The following AGAP3 variants were observed in gnomAD, a reference collection of about 807,000 sequenced individuals.
AGAP3 encodes the protein arf-GAP with GTPase, ANK repeat and PH domain-containing protein 3.
A neutral mutation model predicts 96.9 loss-of-function variants in AGAP3; 24 were observed. The observed-to-expected ratio is 0.25, with a 90% CI of 0.18 to 0.35. The LOEUF is 0.35. Among genes scored for constraint, AGAP3 ranks in the 10% least tolerant of loss-of-function variants. AGAP3 has a pLI of 1.00. For missense variants in AGAP3, 876 were observed against 1,254.2 expected (o/e 0.70, Z 4.55); for synonymous variants, 563 against 536.1 (o/e 1.05, Z -0.69).
At position 151,116,892 on chromosome 7, in the gene AGAP3, G is replaced by GT. The variant is rs202151892; in HGVS notation, c.390+41_390+42insT. On this transcript the variant is annotated intron_variant, in intron 2 of 17. Transcript: ENST00000397238. ...GGGCAGCACCGGCGGCCTGGAGCTGGGGGGGCGAGGCTGGGTGCCGCGGGC... is the reference window on the plus strand; with the variant it reads ...GGGCAGCACCGGCGGCCTGGAGCTGGTGGGGGCGAGGCTGGGTGCCGCGGGC... 2,408 of 1,612,480 alleles carry GT rather than the reference G, an allele frequency of 1.5e-3. 8 individuals are homozygous for GT. The highest frequency in any genetic ancestry group is 1.9e-3 in the Non-Finnish European group (2,217 of 1,178,938).
Position 151,143,417 on chromosome 7 carries a change from C to T in AGAP3, c.2350C>T (p.Pro784Ser). 6.2e-7 allele frequency: 1 copy of T among 1,614,202 alleles called. No individual in the cohort carries two copies. The change falls in exon 17 of 18, where the codon CCA becomes TCA. Residue 784 changes from proline to serine, a missense_variant. Pro to Ser is a moderately conservative substitution (Grantham distance 74). Around this residue, in one of 8 missense-constraint regions of AGAP3, gnomAD observed 213 missense variants for 253.8 expected, o/e 0.84. Coordinates refer to ENST00000397238, the MANE Select transcript of AGAP3 (RefSeq NM_031946.7). The surrounding 1 kb of genome is among the most constrained non-coding windows in gnomAD (Gnocchi z 5.9). Reference sequence around the variant, plus strand: ...GGCCCCACTGCCAAGCTCAGATGTGCCACTGGGGCAGCAGCTGCTCCGGGC... The same window carrying T: ...GGCCCCACTGCCAAGCTCAGATGTGTCACTGGGGCAGCAGCTGCTCCGGGC... Reference protein sequence around the residue: ...FLAPLPSSDVPLGQQLLRAVV... With the variant: ...FLAPLPSSDVSLGQQLLRAVV...
In AGAP3 at chr7:151,114,721, A is replaced by AGCCCCGT. The variant is rs1799457596; in HGVS notation, c.332-2066_332-2060dup. ...CCGGCCGCGGCCCCGGCCCGGGCCC[A>AGCCCCGT]GCCCCGTGCCCCTCGCCATGGGCCT... On this transcript the variant is annotated intron_variant, in intron 1 of 17. Transcript: ENST00000397238. The surrounding 1 kb of genome is among the most constrained non-coding windows in gnomAD (Gnocchi z 4.4). The AGCCCCGT allele has an allele frequency of 2.0e-6, 2 of 1,003,658 alleles. No homozygotes were observed. Among genetic ancestry groups the AGCCCCGT allele is most frequent in the South Asian group, 4.6e-5 (1 of 21,742 alleles). The allele number at this position is 1,003,658 out of a possible 1,614,324, so 62.2% of individuals were successfully genotyped here.
At chr7:151,122,310 C>G (rs535324957) in intron 8 of AGAP3, among the ~76,000 whole-genome samples, 1 of 152,188 alleles carries the variant, frequency 6.6e-6, no homozygotes, top group African/African-American at 2.4e-5. Context: ...CTCTTTTGCC[C>G]GGTTCTCCTT....
chr7:151,095,701 CAAAAAAAAAA>C (rs35926416), intron 1 of AGAP3, among the ~76,000 whole-genome samples: 11 of 83,012 alleles, frequency 1.3e-4, no homozygotes, highest in African/African-American at 3.9e-4. Context: ...CACAGTTGTA[CAAAAAAAAAA>C]AAAAAAAAAA....
At chr7:151,103,823 A>T (rs1471016374) in intron 1 of AGAP3, among the ~76,000 whole-genome samples, 1 of 152,228 alleles carries the variant, frequency 6.6e-6, no homozygotes, top group Admixed American at 6.5e-5. Flanking sequence ...GACTTATTGT[A>T]GGGCCAGGAC....
rs1798616402 is a variant in AGAP3 at position 151,096,658 on chromosome 7, G to A, written c.331+9586G>A. On this transcript the variant is annotated intron_variant, in intron 1 of 17. Transcript: ENST00000397238. This position sits in a 1 kb window ranked among gnomAD's most constrained non-coding sequence, Gnocchi z 4.4. The stretch of plus-strand genomic sequence containing the variant: ...CGGCTTATTTTTTGTATTTTTAGTA[G>A]AGACGAGGTTTCACCGCGTTAGCCA... Among the ~76,000 whole-genome samples, 1 of 151,882 alleles carries A rather than the reference G, an allele frequency of 6.6e-6. No homozygotes were observed. The highest frequency in any genetic ancestry group is 2.4e-5 in the African/African-American group (1 of 41,320).
At position 151,142,604 on chromosome 7, in the gene AGAP3, G is replaced by A. The variant is rs1197042562; in HGVS notation, c.2243G>A (p.Gly748Asp). The A allele has an allele frequency of 6.2e-7, 1 of 1,612,994 alleles. No homozygotes were observed. The highest frequency in any genetic ancestry group is 1.1e-5 in the South Asian group (1 of 91,062). The change falls in exon 16 of 18, where the codon GGC becomes GAC. Residue 748 changes from glycine to aspartate, a missense_variant. Coordinates refer to ENST00000397238, the MANE Select transcript of AGAP3 (RefSeq NM_031946.7). The surrounding 1 kb of genome is among the most constrained non-coding windows in gnomAD (Gnocchi z 7.5). ...ANSVWEGALG[G>D]YSKPGPDACR... ...AGCGTCTGGGAGGGGGCCTTGGGTG[G>A]CTACTCCAAGCCAGGGCCTGATGCC...
Position 151,139,724 on chromosome 7 carries a change from C to A in AGAP3, c.1667-255C>A, listed in dbSNP as rs776514861. The A allele has an allele frequency of 6.1e-6, 2 of 329,070 alleles. No homozygotes were observed. Among genetic ancestry groups the A allele is most frequent in the Non-Finnish European group, 1.1e-5 (2 of 182,290 alleles). The allele number at this position is 329,070 out of a possible 1,614,324, so 20.4% of individuals were successfully genotyped here. ...CCACCCCTCCAGGCTGCAGAGGCAG[C>A]TTCCTCCCTTTGCCTCCATCCTGCT... On this transcript the variant is annotated intron_variant, in intron 12 of 17. Transcript: ENST00000397238. The surrounding 1 kb of genome is among the most constrained non-coding windows in gnomAD (Gnocchi z 4.9).
intron 8 of AGAP3, chr7:151,120,888 C>G (rs924074874): frequency 9.0e-7 from 1 of 1,107,574 alleles, no homozygotes; most frequent in Non-Finnish European, 1.1e-6. Context: ...TCCCAATGTG[C>G]GACACACAGT....
rs1251879136 is a variant in AGAP3, at chr7:151,136,882, G to A, written c.1496-1261G>A. Among the ~76,000 whole-genome samples the A allele has an allele frequency of 3.3e-5, 5 of 152,216 alleles. No homozygotes were observed. The East Asian group carries it at 9.6e-4, about 29-fold the overall frequency. ...CGGAAGGTTTCCTGAGGCGGGACCT[G>A]TGAGGGCAGAGGACGGGAGGTGGGT... On this transcript the variant is annotated intron_variant, in intron 11 of 17. Coordinates refer to ENST00000397238, the MANE Select transcript of AGAP3 (RefSeq NM_031946.7).
At chr7:151,112,435 G>GTC (rs1799335838) in intron 1 of AGAP3, among the ~76,000 whole-genome samples, 1 of 143,700 alleles carries the variant, frequency 7.0e-6, no homozygotes, top group East Asian at 2.1e-4. Context: ...GTGTGTGTGT[G>GTC]TCCAGCATGT....
rs559225939 is a variant in AGAP3, at chr7:151,109,047, G to C, written c.332-7746G>C. Among the ~76,000 whole-genome samples the C allele has an allele frequency of 2.6e-5, 4 of 152,148 alleles. No individual in the cohort carries two copies. The East Asian group carries it at 5.8e-4, about 22-fold the overall frequency. On this transcript the variant is annotated intron_variant, in intron 1 of 17. Transcript: ENST00000397238. The stretch of plus-strand genomic sequence containing the variant: ...TTGAAACAACCTAAGTCTGTTCCTA[G>C]CTGGCTGCGGTGGCCCATGCCTGTA...
intron 5 of AGAP3, 139 bp downstream of exon 5, chr7:151,117,916 C>G (rs917740445): frequency 4.1e-6 from 5 of 1,227,360 alleles, no homozygotes; most frequent in Non-Finnish European, 4.4e-6. Context: ...TCAGCACTCT[C>G]CGTGCTGCTC....
In AGAP3 at chr7:151,114,812, G is replaced by A. The variant is rs1198088529; in HGVS notation, c.332-1981G>A. On this transcript the variant is annotated intron_variant, in intron 1 of 17. Coordinates refer to ENST00000397238, the MANE Select transcript of AGAP3 (RefSeq NM_031946.7). This position sits in a 1 kb window ranked among gnomAD's most constrained non-coding sequence, Gnocchi z 4.4. Reference sequence around the variant, plus strand: ...CGCAGGGGGACAGCTGTCCCGGGGAGCGGCCCGCCGCTTGCCGCCGCGCCC... The same window carrying A: ...CGCAGGGGGACAGCTGTCCCGGGGAACGGCCCGCCGCTTGCCGCCGCGCCC... 42 of 1,055,998 alleles carry A rather than the reference G, an allele frequency of 4.0e-5. No homozygotes were observed. The Admixed American group carries it at 5.9e-4, about 15-fold the overall frequency. 65.4% of individuals were successfully genotyped at this position (1,055,998 alleles called of 1,614,324 possible). A position where few individuals can be genotyped will look rare whatever the true frequency, so the allele number is the denominator to read the frequency against.
rs572741060 is a variant in AGAP3, at chr7:151,137,001, C to G, written c.1496-1142C>G. On this transcript the variant is annotated intron_variant, in intron 11 of 17. Transcript: ENST00000397238. The stretch of plus-strand genomic sequence containing the variant: ...TGTGCTGCACGTATGTGACTAAGCA[C>G]TTACTATGTGTCTGGTCCTCTTTGG... 2.0e-5 allele frequency among the ~76,000 whole-genome samples: 3 copies of G among 152,342 alleles called. No individual in the cohort carries two copies. In the South Asian group the frequency reaches 6.2e-4, roughly 32 times the overall value.
At position 151,086,589 on chromosome 7, in the gene AGAP3, G is replaced by T. The variant is rs1798152756; in HGVS notation, c.-153G>T. ...CTCCTGGCCTCGGCCTCCGGCCCCC[G>T]GCCCCCGGCTCCATGCGCTAGCCCC... is the stretch of plus-strand genomic sequence containing the variant. On this transcript the variant is annotated 5_prime_UTR_variant, in exon 1 of 18. Coordinates refer to ENST00000397238, the MANE Select transcript of AGAP3 (RefSeq NM_031946.7). 1.4e-5 allele frequency among the ~76,000 whole-genome samples: 2 copies of T among 146,676 alleles called. No homozygotes were observed. Among genetic ancestry groups the T allele is most frequent in the Admixed American group, 6.8e-5 (1 of 14,730 alleles).
Position 151,144,207 on chromosome 7 carries a change from G to T in AGAP3, c.*264G>T. 1 of 497,978 alleles carries T rather than the reference G, an allele frequency of 2.0e-6. No homozygotes were observed. Among genetic ancestry groups the T allele is most frequent in the Non-Finnish European group, 3.6e-6 (1 of 278,914 alleles). The allele number at this position is 497,978 out of a possible 1,614,324, so 30.8% of individuals were successfully genotyped here. ...CCTTCGGAGGTGCCTGTGAGGAGAG[G>T]GGAGCAGGACCTCTCCCTCCTCCAG... On this transcript the variant is annotated 3_prime_UTR_variant, in exon 18 of 18. Transcript: ENST00000397238.
rs949863788 is a variant in AGAP3, at chr7:151,141,798, T to C, written c.1805-100T>C. 3 of 1,511,464 alleles carry C rather than the reference T, an allele frequency of 2.0e-6. No homozygotes were observed. The highest frequency in any genetic ancestry group is 2.7e-6 in the Non-Finnish European group (3 of 1,091,308). The allele number at this position is 1,511,464 out of a possible 1,614,324, so 93.6% of individuals were successfully genotyped here. On this transcript the variant is annotated intron_variant, in intron 13 of 17. Coordinates refer to ENST00000397238, the MANE Select transcript of AGAP3 (RefSeq NM_031946.7). This position sits in a 1 kb window ranked among gnomAD's most constrained non-coding sequence, Gnocchi z 4.2. ...TGGGGAAGGGTCTAGGGGAGGACAC[T>C]TGCCAGTGGAGCAGGGTAGTGAGTG...
intron 1 of AGAP3, 61 bp downstream of exon 1, chr7:151,087,133 G>T: frequency 6.6e-7 from 1 of 1,514,106 alleles, no homozygotes; most frequent in South Asian, 1.2e-5. Context: ...GCCGGCCGAG[G>T]GCTCCACAGG....
Sources: gnomAD v4.1 joint callset for allele counts (sites outside exome capture counted in the v4.1 genomes callset) on GRCh38, gnomAD v4.1.1 for gene constraint, gnomAD v4.1.1 regional missense constraint, Gnocchi (gnomAD v3.1) non-coding constraint, MANE v1.5 for transcripts, NCBI Gene and HGNC (gene_info 2026-07-23, HGNC 2026-07-21) for gene names.